ANK3: variants seen among roughly 807,000 people sequenced by gnomAD.
ANK3 encodes ankyrin 3.
Under a neutral mutation model 370.9 loss-of-function variants are expected in ANK3, and 57 were observed. The observed-to-expected ratio is 0.15, with a 90% confidence interval of 0.12 to 0.19. The LOEUF (loss-of-function observed/expected upper bound fraction) is 0.19. ANK3 is among the 10% of genes least tolerant of loss of function. The pLI is 1.00. For synonymous variants in ANK3, 1,929 were observed against 1,946.3 expected, an observed-to-expected ratio of 0.99 and a Z score of 0.23; for missense variants, 4,439 against 5,302.1, an observed-to-expected ratio of 0.84 and a Z score of 5.06.
At chr10:60,405,823 TAATCGTAG>T (rs981130914) in intron 2 of ANK3, among the ~76,000 whole-genome samples, 3 of 152,210 alleles carry the variant, frequency 2.0e-5, no homozygotes, top group Non-Finnish European at 4.4e-5. Flanking sequence ...AGCAAAATGT[TAATCGTAG>T]AATCTAAGGG....
At chr10:60,472,492 A>C (rs890054670) in intron 2 of ANK3, among the ~76,000 whole-genome samples, 1 of 152,194 alleles carries the variant, frequency 6.6e-6, no homozygotes, top group Admixed American at 6.5e-5. Context: ...AAAGTTCTGG[A>C]AATGCTTGAT....
At chr10:60,242,077 T>G (rs1311956754) in intron 7 of ANK3, among the ~76,000 whole-genome samples, 1 of 152,214 alleles carries the variant, frequency 6.6e-6, no homozygotes, top group Non-Finnish European at 1.5e-5. Context: ...TTTTTTCTTT[T>G]GTAGTTTATT....
intron 1 of ANK3, among the ~76,000 whole-genome samples, chr10:60,286,175 G>A (rs938784675): frequency 8.5e-5 from 13 of 152,082 alleles, no homozygotes; most frequent in African/African-American, 2.9e-4. Context: ...GACTCCCAAC[G>A]AGTCCCTTCT....
chr10:60,070,009 A>G lies in ANK3; in HGVS notation c.10872T>C (p.Phe3624=), dbSNP rs1280549538. The G allele has an allele frequency of 6.2e-6, 10 of 1,614,014 alleles. No individual in the cohort carries two copies. Among genetic ancestry groups the G allele is most frequent in the African/African-American group, 1.3e-5 (1 of 74,934 alleles). The change falls in exon 37 of 44, where the codon TTT becomes TTC. Residue 3624 remains phenylalanine, a synonymous_variant. Transcript: ENST00000280772. The surrounding 1 kb of genome is among the most constrained non-coding windows in gnomAD (Gnocchi z 5.7). ...GGAAAAATTGGAGCCTCTCTTCAAC[A>G]AAATCCCTCTTGCTCATGTCAATTG... ...SGAIDMSKRD[F]VEERLQFFQI...
intron 1 of ANK3, among the ~76,000 whole-genome samples, chr10:60,651,492 T>C (rs1466469877): frequency 1.3e-5 from 2 of 152,230 alleles, no homozygotes; most frequent in Non-Finnish European, 2.9e-5. Flanking sequence ...AAACATACTT[T>C]TTTGAGTAAA....
intron 1 of ANK3, among the ~76,000 whole-genome samples, chr10:60,624,407 G>A (rs547417954): frequency 5.3e-5 from 8 of 152,048 alleles, no homozygotes; most frequent in Non-Finnish European, 8.8e-5. Flanking sequence ...GGAAGAAGTG[G>A]CATCATCCAC....
intron 2 of ANK3, among the ~76,000 whole-genome samples, chr10:60,458,221 T>C (rs2064797959): frequency 6.6e-6 from 1 of 152,170 alleles, no homozygotes; most frequent in Non-Finnish European, 1.5e-5. Flanking sequence ...GAAAGTGTAC[T>C]CTCTCCTTTC....
intron 23 of ANK3, among the ~76,000 whole-genome samples, chr10:60,151,538 G>A (rs1590890091): frequency 6.6e-6 from 1 of 152,068 alleles, no homozygotes; most frequent in East Asian, 1.9e-4. Flanking sequence ...GCATCCTGAG[G>A]TCTTACCAGA....
intron 36 of ANK3, 30 bp from the exon 37 acceptor site, chr10:60,076,478 A>G: frequency 6.5e-7 from 1 of 1,536,970 alleles, no homozygotes; most frequent in Non-Finnish European, 8.7e-7. Flanking sequence ...ATGAAATCAA[A>G]CACAAAAATC....
At chr10:60,217,626 T>G (rs1008044249) in intron 8 of ANK3, among the ~76,000 whole-genome samples, 1 of 151,910 alleles carries the variant, frequency 6.6e-6, no homozygotes. Context: ...TCTGAGAGAC[T>G]GTTGATTTCA....
chr10:60,052,565 T>TATTA (rs1589284347), intron 42 of ANK3, among the ~76,000 whole-genome samples: 1 of 152,126 alleles, frequency 6.6e-6, no homozygotes, highest in East Asian at 1.9e-4. Flanking sequence ...CTGCACAAAA[T>TATTA]ATTAATTTTT....
intron 23 of ANK3, among the ~76,000 whole-genome samples, chr10:60,157,645 GA>G (rs960599241): frequency 2.6e-5 from 4 of 151,796 alleles, no homozygotes; most frequent in Non-Finnish European, 2.9e-5. Context: ...AGAAATTCAG[GA>G]GTTGAAAAAC....
intron 1 of ANK3, among the ~76,000 whole-genome samples, chr10:60,712,479 A>G (rs1010558681): frequency 6.6e-6 from 1 of 152,172 alleles, no homozygotes; most frequent in Non-Finnish European, 1.5e-5. Context: ...CCACCAAAAT[A>G]TTTTTTTAAA....
At chr10:60,046,589 C>T (rs958339194) in intron 42 of ANK3, among the ~76,000 whole-genome samples, 3 of 151,832 alleles carry the variant, frequency 2.0e-5, no homozygotes, top group African/African-American at 7.3e-5. Flanking sequence ...GATTAATAGC[C>T]TTACAAAAAG....
intron 1 of ANK3, among the ~76,000 whole-genome samples, chr10:60,683,424 T>C (rs904332431): frequency 2.0e-5 from 3 of 152,154 alleles, no homozygotes; most frequent in Admixed American, 1.3e-4. Context: ...TCATAATTAA[T>C]GGGGGACTGA....
intron 2 of ANK3, among the ~76,000 whole-genome samples, chr10:60,468,410 A>G (rs372646981): frequency 7.9e-5 from 12 of 152,328 alleles, no homozygotes; most frequent in African/African-American, 2.9e-4. Context: ...AATTTTGAGT[A>G]TCAAATTTCT....
At chr10:60,080,663 G>T (rs1589701501) in intron 35 of ANK3, 45 bp from the exon 36 acceptor site, 1 of 1,405,126 alleles carries the variant, frequency 7.1e-7, no homozygotes, top group South Asian at 1.3e-5. Flanking sequence ...CAACTTCCCT[G>T]TGACATCTTC....
intron 36 of ANK3, among the ~76,000 whole-genome samples, chr10:60,079,825 CAGAAAG>C (rs1204368498): frequency 3.3e-5 from 5 of 151,692 alleles, no homozygotes; most frequent in African/African-American, 1.2e-4. Flanking sequence ...AGGAGGCAGA[CAGAAAG>C]AGAGAGAGAG....
chr10:60,292,212 T>C (rs1484305070), intron 1 of ANK3, among the ~76,000 whole-genome samples: 4 of 152,126 alleles, frequency 2.6e-5, no homozygotes, highest in African/African-American at 9.7e-5. Flanking sequence ...GCCTGGAAAA[T>C]AACCGCAGAT....
Sources: allele counts gnomAD v4.1 joint callset (sites outside exome capture counted in the v4.1 genomes callset), GRCh38; gene constraint gnomAD v4.1.1; non-coding constraint Gnocchi (gnomAD v3.1); transcripts MANE v1.5; gene names NCBI Gene and HGNC (gene_info 2026-07-23, HGNC 2026-07-21).